Variants in GPC5 observed in about 807,000 individuals in gnomAD.
GPC5 encodes the protein glypican 5.
A neutral mutation model predicts 53.9 loss-of-function variants in GPC5; 47 were observed. The ratio of observed to expected loss-of-function variants is 0.87; its 90% CI spans 0.69 to 1.11. GPC5 has a LOEUF of 1.11. Among genes scored for constraint, GPC5 ranks in the 50% most tolerant of loss-of-function variants. The probability of loss-of-function intolerance (pLI) is 0.00; values close to 1 mark genes in which losing one functional copy is unlikely to be tolerated. For synonymous variants in GPC5, 286 were observed against 263.3 expected, an observed-to-expected ratio of 1.09 and a Z score of -0.84; for missense variants, 748 against 713.1, an observed-to-expected ratio of 1.05 and a Z score of -0.56.
chr13:91,704,126 A>G (rs1238051192), intron 3 of GPC5, among the ~76,000 whole-genome samples: 1 of 151,802 alleles, frequency 6.6e-6, no homozygotes, highest in Non-Finnish European at 1.5e-5. Context: ...ATTGCAGTCC[A>G]TTTCTGGCTT....
intron 3 of GPC5, among the ~76,000 whole-genome samples, chr13:91,716,647 C>T (rs962961150): frequency 6.6e-6 from 1 of 152,140 alleles, no homozygotes; most frequent in Non-Finnish European, 1.5e-5. Flanking sequence ...TATGTTGAAA[C>T]TCCAGTCAGC....
intron 6 of GPC5, among the ~76,000 whole-genome samples, chr13:92,138,247 G>A (rs773688534): frequency 9.9e-5 from 15 of 152,160 alleles, no homozygotes; most frequent in Admixed American, 3.3e-4. Context: ...TTGGCCAGGC[G>A]CAGTGGCTCA....
intron 2 of GPC5, among the ~76,000 whole-genome samples, chr13:91,530,605 C>T (rs899753106): frequency 2.6e-5 from 4 of 152,142 alleles, no homozygotes; most frequent in Non-Finnish European, 4.4e-5. Context: ...AGAGCCAGCA[C>T]GCTCTTTTTA....
At chr13:91,920,924 CTCTTTTTTTTTT>C (rs1299913753) in intron 6 of GPC5, among the ~76,000 whole-genome samples, 1,578 of 59,356 alleles carry the variant, frequency 0.027, 23 homozygotes, top group African/African-American at 0.1. Context: ...CTCTCTCTCT[CTCTTTTTTTTTT>C]TTTTTTTTTT....
At chr13:92,582,776 T>C (rs142268926) in intron 7 of GPC5, among the ~76,000 whole-genome samples, 181 of 152,282 alleles carry the variant, frequency 1.2e-3, no homozygotes, top group African/African-American at 4.3e-3. Context: ...GTTGTGGTCT[T>C]ACTTTTTTTT....
chr13:91,954,957 T>A (rs6492563), intron 6 of GPC5, among the ~76,000 whole-genome samples: 97,253 of 151,862 alleles, frequency 0.64, 31,762 homozygotes, highest in African/African-American at 0.76. Flanking sequence ...AACATACTTT[T>A]GAAAATATTT....
intron 7 of GPC5, among the ~76,000 whole-genome samples, chr13:92,157,425 T>C (rs1004223968): frequency 2.6e-5 from 4 of 152,182 alleles, no homozygotes; most frequent in African/African-American, 9.7e-5. Flanking sequence ...TTGGTATTTA[T>C]GAAAGTTAGG....
At position 92,214,346 on chromosome 13, in the gene GPC5, G is replaced by A. The variant is rs556409952; in HGVS notation, c.1561+69357G>A. 4.6e-5 allele frequency among the ~76,000 whole-genome samples: 7 copies of A among 152,230 alleles called. No homozygotes were observed. The South Asian group carries it at 1.5e-3, about 32-fold the overall frequency. On this transcript the variant is annotated intron_variant, in intron 7 of 7. Transcript: ENST00000377067. ...TGCAAAACACTATAGAAGACCAGTG[G>A]CACTTAATTCATTCATCTTTATAAA...
At chr13:91,526,305 T>C (rs536632555) in intron 2 of GPC5, among the ~76,000 whole-genome samples, 6 of 152,324 alleles carry the variant, frequency 3.9e-5, no homozygotes, top group African/African-American at 1.4e-4. Context: ...ATACTTGGAA[T>C]TGAAAGATCA....
At chr13:91,857,934 T>C (rs1161363468) in intron 5 of GPC5, among the ~76,000 whole-genome samples, 6 of 151,602 alleles carry the variant, frequency 4.0e-5, no homozygotes, top group Non-Finnish European at 8.9e-5. Flanking sequence ...AATTTGGGGA[T>C]GTTAAAATAA....
intron 7 of GPC5, among the ~76,000 whole-genome samples, chr13:92,602,653 T>C (rs1487119505): frequency 6.6e-6 from 1 of 152,112 alleles, no homozygotes; most frequent in Non-Finnish European, 1.5e-5. Flanking sequence ...AAAGACGGTG[T>C]GGGATTCTTG....
rs188037900 is a variant in GPC5, at chr13:91,594,018, T to C, written c.326-99169T>C. On this transcript the variant is annotated intron_variant, in intron 2 of 7. Coordinates refer to ENST00000377067, the MANE Select transcript of GPC5 (RefSeq NM_004466.6). ...AAAGAGTTTCACATTTCATTTATTA[T>C]GTAATTACCTATCCCATCTTTTGGA... 4.2e-3 allele frequency among the ~76,000 whole-genome samples: 645 copies of C among 152,308 alleles called. 2 individuals are homozygous for C. The highest frequency in any genetic ancestry group is 6.4e-3 in the Non-Finnish European group (438 of 68,020).
intron 2 of GPC5, among the ~76,000 whole-genome samples, chr13:91,581,154 T>C (rs2032345763): frequency 6.6e-6 from 1 of 152,204 alleles, no homozygotes; most frequent in South Asian, 2.1e-4. Context: ...GGAACTAGAA[T>C]TCAAGATGAG....
At chr13:91,792,721 C>T (rs1260023807) in intron 5 of GPC5, among the ~76,000 whole-genome samples, 5 of 152,112 alleles carry the variant, frequency 3.3e-5, no homozygotes, top group Non-Finnish European at 7.4e-5. Context: ...CATAGTAAAA[C>T]CAGTAAATTC....
intron 5 of GPC5, among the ~76,000 whole-genome samples, chr13:91,758,205 T>A (rs531531181): frequency 6.6e-6 from 1 of 152,166 alleles, no homozygotes; most frequent in Non-Finnish European, 1.5e-5. Context: ...AGTGATAGCA[T>A]TCTCATACTT....
intron 2 of GPC5, among the ~76,000 whole-genome samples, chr13:91,646,188 T>C (rs1046388696): frequency 6.6e-6 from 1 of 152,170 alleles, no homozygotes; most frequent in South Asian, 2.1e-4. Context: ...TCAGGTTATT[T>C]GAAGCAAAGT....
chr13:91,658,559 C>T (rs1479042475), intron 2 of GPC5, among the ~76,000 whole-genome samples: 1 of 152,182 alleles, frequency 6.6e-6, no homozygotes, highest in African/African-American at 2.4e-5. Context: ...AATTGCTATA[C>T]TCAGCTTATG....
chr13:92,769,458 G>A (rs976539868), intron 7 of GPC5, among the ~76,000 whole-genome samples: 2 of 151,794 alleles, frequency 1.3e-5, no homozygotes, highest in South Asian at 2.1e-4. Context: ...GCTGGGCCTG[G>A]TGGATAACAC....
chr13:92,015,182 A>G (rs895906682), intron 6 of GPC5, among the ~76,000 whole-genome samples: 2 of 152,194 alleles, frequency 1.3e-5, no homozygotes, highest in African/African-American at 4.8e-5. Context: ...GTAGAGGCCA[A>G]GGATATGTTA....
Sources: gnomAD v4.1 joint callset for allele counts (sites outside exome capture counted in the v4.1 genomes callset) on GRCh38, gnomAD v4.1.1 for gene constraint, MANE v1.5 for transcripts, NCBI Gene and HGNC (gene_info 2026-07-23, HGNC 2026-07-21) for gene names.